CCSER1: variants seen among roughly 807,000 people sequenced by gnomAD.
CCSER1 encodes serine-rich coiled-coil domain-containing protein 1.
A neutral mutation model predicts 82.0 loss-of-function variants in CCSER1; 41 were observed. The ratio of observed to expected loss-of-function variants is 0.50; its 90% confidence interval spans 0.39 to 0.65. The LOEUF (loss-of-function observed/expected upper bound fraction) is 0.65. CCSER1 is among the 30% of genes least tolerant of loss of function. The pLI is 0.00. For missense variants in CCSER1, 1,119 were observed against 1,064.2 expected (o/e 1.05, Z -0.72); for synonymous variants, 414 against 383.9 (o/e 1.08, Z -0.92).
intron 3 of CCSER1, among the ~76,000 whole-genome samples, chr4:90,365,163 G>A (rs938449436): frequency 1.3e-5 from 2 of 151,868 alleles, no homozygotes; most frequent in Non-Finnish European, 3.0e-5. Flanking sequence ...GTGTGCTTTA[G>A]CCTACAGCTA....
chr4:91,169,811 A>T (rs1732562335), intron 10 of CCSER1, among the ~76,000 whole-genome samples: 1 of 152,134 alleles, frequency 6.6e-6, no homozygotes, highest in South Asian at 2.1e-4. Flanking sequence ...ACCTGTTCAT[A>T]GTTGGTCCTG....
At chr4:91,397,076 A>G (rs1256614982) in intron 10 of CCSER1, among the ~76,000 whole-genome samples, 1 of 152,078 alleles carries the variant, frequency 6.6e-6, no homozygotes, top group Admixed American at 6.6e-5. Flanking sequence ...CTATGTTAAA[A>G]TCTGTCTACA....
intron 6 of CCSER1, among the ~76,000 whole-genome samples, chr4:90,686,079 G>A (rs1467390805): frequency 2.0e-5 from 3 of 152,136 alleles, no homozygotes; most frequent in Admixed American, 6.5e-5. Context: ...TGATATTGTA[G>A]TTCCCTTAAG....
intron 10 of CCSER1, among the ~76,000 whole-genome samples, chr4:91,540,067 T>A (rs1431045056): frequency 6.6e-6 from 1 of 152,122 alleles, no homozygotes; most frequent in Non-Finnish European, 1.5e-5. Context: ...TTCACATTTT[T>A]AAAAATTGAT....
intron 10 of CCSER1, among the ~76,000 whole-genome samples, chr4:91,473,108 A>C (rs1757377635): frequency 6.6e-6 from 1 of 152,178 alleles, no homozygotes; most frequent in Admixed American, 6.5e-5. Context: ...GGGGGAACAT[A>C]ATCCTTTGCT....
chr4:91,100,101 A>G (rs542770852), intron 10 of CCSER1, among the ~76,000 whole-genome samples: 24 of 152,254 alleles, frequency 1.6e-4, no homozygotes, highest in Non-Finnish European at 8.8e-5. Context: ...AAGTCACAAT[A>G]TATAGAGTTA....
chr4:90,801,616 A>G (rs1029178075), intron 7 of CCSER1, among the ~76,000 whole-genome samples: 7 of 152,176 alleles, frequency 4.6e-5, no homozygotes, highest in Admixed American at 1.3e-4. Context: ...AAAAAAATAC[A>G]TTTCTAACAT....
intron 8 of CCSER1, among the ~76,000 whole-genome samples, chr4:90,820,659 A>C (rs1258080109): frequency 6.6e-6 from 1 of 152,052 alleles, no homozygotes; most frequent in Non-Finnish European, 1.5e-5. Flanking sequence ...TAGGACCATA[A>C]CATTAAAAAT....
chr4:90,984,231 T>C lies in CCSER1; in HGVS notation c.2172+60784T>C, dbSNP rs146135225. 2.3e-3 allele frequency among the ~76,000 whole-genome samples: 344 copies of C among 151,954 alleles called. 1 individual carries two copies. Among genetic ancestry groups the C allele is most frequent in the Middle Eastern group, 0.014 (4 of 294 alleles). ...AAGGTGCGTTGTTGAGAAAGTGCAA[T>C]GTACCGAGTACTGTGTTAACAACTT... is the stretch of plus-strand genomic sequence containing the variant. On this transcript the variant is annotated intron_variant, in intron 9 of 10. Transcript: ENST00000509176.
At chr4:91,178,326 T>A (rs1484411769) in intron 10 of CCSER1, among the ~76,000 whole-genome samples, 1 of 152,154 alleles carries the variant, frequency 6.6e-6, no homozygotes, top group Non-Finnish European at 1.5e-5. Flanking sequence ...GTCTATTAGG[T>A]CTGCTTGGTG....
intron 10 of CCSER1, among the ~76,000 whole-genome samples, chr4:91,339,449 TG>T (rs1001776676): frequency 6.6e-5 from 10 of 152,020 alleles, no homozygotes; most frequent in African/African-American, 1.7e-4. Flanking sequence ...CGAGTTAATA[TG>T]GGGGGGTAGG....
intron 10 of CCSER1, among the ~76,000 whole-genome samples, chr4:91,110,861 C>A (rs1356959286): frequency 6.7e-6 from 1 of 148,994 alleles, no homozygotes; most frequent in East Asian, 2.1e-4. Context: ...TTTCCTTTTG[C>A]CTTTCATATA....
intron 6 of CCSER1, among the ~76,000 whole-genome samples, chr4:90,665,669 A>G (rs1297314071): frequency 6.6e-6 from 1 of 152,130 alleles, no homozygotes; most frequent in East Asian, 1.9e-4. Flanking sequence ...AGCTGAGGGA[A>G]ATGCTAATCT....
intron 1 of CCSER1, among the ~76,000 whole-genome samples, chr4:90,143,491 T>TACACACACAC (rs56859054): frequency 0.066 from 9,299 of 141,312 alleles, 320 homozygotes; most frequent in Non-Finnish European, 0.086. Flanking sequence ...AGTACACACA[T>TACACACACAC]ACACACACAC....
At chr4:91,311,638 A>T (rs184001904) in intron 10 of CCSER1, among the ~76,000 whole-genome samples, 23 of 152,076 alleles carry the variant, frequency 1.5e-4, no homozygotes, top group Admixed American at 4.6e-4. Flanking sequence ...ATTTCTAGTA[A>T]TTTTTTTAAA....
chr4:90,204,724 G>A (rs952029233), intron 1 of CCSER1, among the ~76,000 whole-genome samples: 1 of 152,152 alleles, frequency 6.6e-6, no homozygotes, highest in Admixed American at 6.5e-5. Flanking sequence ...TTCTAATTCT[G>A]TGAAGAAAGT....
At chr4:90,193,434 A>C (rs1473780421) in intron 1 of CCSER1, among the ~76,000 whole-genome samples, 1 of 151,736 alleles carries the variant, frequency 6.6e-6, no homozygotes, top group Non-Finnish European at 1.5e-5. Flanking sequence ...CTAAGTATGA[A>C]TACAAAAGAG....
At chr4:91,114,199 A>G (rs912843836) in intron 10 of CCSER1, among the ~76,000 whole-genome samples, 5 of 152,176 alleles carry the variant, frequency 3.3e-5, no homozygotes, top group African/African-American at 1.2e-4. Context: ...GGACATATCC[A>G]TGAAATACAG....
At chr4:91,174,983 C>T (rs377306770) in intron 10 of CCSER1, among the ~76,000 whole-genome samples, 50 of 152,242 alleles carry the variant, frequency 3.3e-4, no homozygotes, top group African/African-American at 1.2e-3. Context: ...TCCCCCCACC[C>T]CACAACAGGC....
Sources: allele counts gnomAD v4.1 joint callset (sites outside exome capture counted in the v4.1 genomes callset), GRCh38; gene constraint gnomAD v4.1.1; transcripts MANE v1.5; gene names NCBI Gene and HGNC (gene_info 2026-07-23, HGNC 2026-07-21).